Variants in ARHGEF3 observed in about 807,000 individuals in gnomAD.
ARHGEF3 encodes the protein 59.8 kDA protein.
ARHGEF3 carries 28 observed loss-of-function variants against 63.2 expected under a neutral mutation model. That is an observed-to-expected ratio of 0.44 (90% confidence interval 0.33 to 0.61). The LOEUF is 0.61. ARHGEF3 is among the 20% of genes least tolerant of loss of function. The pLI is 0.03. For missense variants in ARHGEF3, 533 were observed against 659.3 expected, an observed-to-expected ratio of 0.81 and a Z score of 2.10; for synonymous variants, 266 against 254.2, an observed-to-expected ratio of 1.05 and a Z score of -0.44.
intron 1 of ARHGEF3, among the ~76,000 whole-genome samples, chr3:57,061,575 T>C (rs1338849083): frequency 1.3e-5 from 2 of 152,250 alleles, no homozygotes; most frequent in African/African-American, 4.8e-5. Context: ...CTTTTGGCTA[T>C]TGTGAATAAC....
intron 4 of ARHGEF3, among the ~76,000 whole-genome samples, chr3:56,871,063 A>C (rs1329938146): frequency 6.6e-6 from 1 of 152,182 alleles, no homozygotes; most frequent in Non-Finnish European, 1.5e-5. Flanking sequence ...CTGGAAGGAG[A>C]CAGTAAACTG....
chr3:56,786,374 T>C (rs954160834), intron 1 of ARHGEF3, among the ~76,000 whole-genome samples: 1 of 152,194 alleles, frequency 6.6e-6, no homozygotes, highest in African/African-American at 2.4e-5. Flanking sequence ...TAATCTATAA[T>C]GGATTCATCT....
At chr3:56,926,490 C>T (rs7621825) in intron 3 of ARHGEF3, among the ~76,000 whole-genome samples, 34,914 of 152,192 alleles carry the variant, frequency 0.23, 4,953 homozygotes, top group East Asian at 0.4. Flanking sequence ...TTTTAAAGTA[C>T]ACAAACATAA....
chr3:56,830,394 T>C (rs1174416041), intron 4 of ARHGEF3, among the ~76,000 whole-genome samples: 1 of 152,194 alleles, frequency 6.6e-6, no homozygotes, highest in African/African-American at 2.4e-5. Flanking sequence ...CTTATCCAAC[T>C]ACTTCTCTTC....
At chr3:56,880,909 A>T (rs2040743034) in intron 4 of ARHGEF3, among the ~76,000 whole-genome samples, 1 of 152,220 alleles carries the variant, frequency 6.6e-6, no homozygotes, top group Non-Finnish European at 1.5e-5. Flanking sequence ...CTGAGGGTCT[A>T]AAGATTGGAA....
In ARHGEF3 at chr3:56,728,509, A is replaced by C. The variant is rs1472601820; in HGVS notation, c.*761T>G. 6.6e-6 allele frequency: 1 copy of C among 152,624 alleles called. No homozygotes were observed. The highest frequency in any genetic ancestry group is 1.5e-5 in the Non-Finnish European group (1 of 68,058). 9.5% of individuals were successfully genotyped at this position (152,624 alleles called of 1,614,324 possible). A position where few individuals can be genotyped will look rare whatever the true frequency, so the allele number is the denominator to read the frequency against. On this transcript the variant is annotated 3_prime_UTR_variant, in exon 10 of 10. Transcript: ENST00000296315. ...GGCCTTCCTAAGCCCTTTGGGTTCT[A>C]TTCTGATGTTTTAGGCTAGCAACCA...
intron 4 of ARHGEF3, among the ~76,000 whole-genome samples, chr3:56,852,926 T>C (rs556778218): frequency 1.6e-4 from 25 of 152,324 alleles, no homozygotes; most frequent in African/African-American, 5.5e-4. Flanking sequence ...AGACCATGCA[T>C]TGCATTTTAG....
chr3:56,950,094 CTG>C (rs1437508087), intron 3 of ARHGEF3, among the ~76,000 whole-genome samples: 3 of 152,048 alleles, frequency 2.0e-5, no homozygotes, highest in African/African-American at 7.3e-5. Flanking sequence ...AAAGCTGAAA[CTG>C]GATCCCTTCC....
intron 3 of ARHGEF3, among the ~76,000 whole-genome samples, chr3:56,927,073 T>C (rs77876396): frequency 0.021 from 3,177 of 152,346 alleles, 102 homozygotes; most frequent in African/African-American, 0.069. Flanking sequence ...ATAGGAGTTC[T>C]AAGCCAGATA....
chr3:56,762,346 A>G (rs1187360991), intron 2 of ARHGEF3, among the ~76,000 whole-genome samples: 1 of 152,178 alleles, frequency 6.6e-6, no homozygotes, highest in Non-Finnish European at 1.5e-5. Flanking sequence ...AAAAACTGCA[A>G]TCTCATAATT....
chr3:57,073,851 T>C (rs750057588), intron 1 of ARHGEF3: 8 of 1,614,088 alleles, frequency 5.0e-6, no homozygotes, highest in Non-Finnish European at 6.8e-6. Flanking sequence ...TGCACTGGCA[T>C]CATGCCAGGG....
chr3:56,957,540 C>G (rs1700096128), intron 3 of ARHGEF3, among the ~76,000 whole-genome samples: 1 of 152,162 alleles, frequency 6.6e-6, no homozygotes, highest in African/African-American at 2.4e-5. Context: ...CAGTAGTGAA[C>G]AAGAGAGAAA....
intron 3 of ARHGEF3, among the ~76,000 whole-genome samples, chr3:56,895,468 A>AT (rs765618587): frequency 1.6e-4 from 9 of 56,550 alleles, no homozygotes; most frequent in African/African-American, 5.1e-4. Context: ...TTATTTATTT[A>AT]TTTATTTTTT....
chr3:56,975,535 A>T (rs975878201), intron 2 of ARHGEF3, among the ~76,000 whole-genome samples: 1 of 152,246 alleles, frequency 6.6e-6, no homozygotes, highest in African/African-American at 2.4e-5. Flanking sequence ...TTTGTCCTCA[A>T]AAAACTTTTA....
chr3:56,942,757 A>C (rs919010272), intron 3 of ARHGEF3, among the ~76,000 whole-genome samples: 2 of 152,230 alleles, frequency 1.3e-5, no homozygotes, highest in Admixed American at 1.3e-4. Context: ...AAGTTCTTGA[A>C]GGAAATTGAA....
At chr3:56,732,558 C>A in intron 8 of ARHGEF3, 134 bp from the exon 9 acceptor site, 2 of 1,048,564 alleles carry the variant, frequency 1.9e-6, no homozygotes, top group South Asian at 3.1e-5. Context: ...TCAAATCTAC[C>A]TCCAGGAGAA....
chr3:56,864,908 A>T (rs2108203538), intron 4 of ARHGEF3, among the ~76,000 whole-genome samples: 1 of 152,300 alleles, frequency 6.6e-6, no homozygotes, highest in East Asian at 1.9e-4. Flanking sequence ...TGTCAAGAAC[A>T]TGAGACCTTC....
chr3:56,973,100 T>G (rs1182446783), intron 2 of ARHGEF3, among the ~76,000 whole-genome samples: 3 of 151,294 alleles, frequency 2.0e-5, no homozygotes, highest in African/African-American at 4.9e-5. Flanking sequence ...CACTATAAGC[T>G]CCGCCTCCCG....
chr3:56,730,388 CTTT>C (rs66881414), intron 9 of ARHGEF3, among the ~76,000 whole-genome samples: 5 of 137,308 alleles, frequency 3.6e-5, no homozygotes, highest in Non-Finnish European at 6.4e-5. Context: ...TTTATTTAAT[CTTT>C]TTTTTTTTTT....
Sources: allele counts gnomAD v4.1 joint callset (sites outside exome capture counted in the v4.1 genomes callset), GRCh38; gene constraint gnomAD v4.1.1; transcripts MANE v1.5; gene names NCBI Gene and HGNC (gene_info 2026-07-23, HGNC 2026-07-21).